The following MTR variants were observed in gnomAD, a reference collection of about 807,000 sequenced individuals.
MTR encodes the protein methionine synthase.
In MTR, 84 loss-of-function variants were observed where a neutral mutation model predicts 154.8. That is an observed-to-expected ratio of 0.54 (90% CI 0.45 to 0.65). The LOEUF (loss-of-function observed/expected upper bound fraction) is 0.65. Among genes scored for constraint, MTR ranks in the 30% least tolerant of loss-of-function variants. The pLI, the probability that MTR is intolerant of heterozygous loss-of-function variation, is 0.00. For synonymous variants in MTR, 554 were observed against 553.9 expected, an observed-to-expected ratio of 1.00 and a Z score of 0.00; for missense variants, 1,275 against 1,570.2, an observed-to-expected ratio of 0.81 and a Z score of 3.18.
intron 15 of MTR, 114 bp downstream of exon 15, chr1:236,838,713 T>C (rs973763883): frequency 4.0e-5 from 43 of 1,085,032 alleles, no homozygotes; most frequent in Non-Finnish European, 5.6e-5. Flanking sequence ...TTTATCTCTT[T>C]CCATATACAT....
At chr1:236,861,465 G>A (rs555246635) in intron 20 of MTR, among the ~76,000 whole-genome samples, 188 bp downstream of exon 20, 2 of 152,164 alleles carry the variant, frequency 1.3e-5, no homozygotes, top group Non-Finnish European at 2.9e-5. Context: ...TGGTGTGGAT[G>A]TTGGAAATCC....
rs891353410 is a variant in MTR at position 236,799,975 on chromosome 1, C to T, written c.35-3453C>T. On this transcript the variant is annotated intron_variant, in intron 1 of 32. Transcript: ENST00000366577. ...ATACGGTGGCTCAACAAACAAGATGCCAGAATTTGCATGTGTGGGGCTGGG... is the reference window on the plus strand; with the variant it reads ...ATACGGTGGCTCAACAAACAAGATGTCAGAATTTGCATGTGTGGGGCTGGG... The T allele has an allele frequency of 3.5e-6, 3 of 849,316 alleles. No homozygotes were observed. In the East Asian group the frequency reaches 3.7e-4, roughly 104 times the overall value. The allele number at this position is 849,316 out of a possible 1,614,324, so 52.6% of individuals were successfully genotyped here. A position where few individuals can be genotyped will look rare whatever the true frequency, so the allele number is the denominator to read the frequency against.
chr1:236,809,765 A>G (rs1219854220), intron 4 of MTR, among the ~76,000 whole-genome samples: 2 of 152,204 alleles, frequency 1.3e-5, no homozygotes, highest in African/African-American at 2.4e-5. Flanking sequence ...AGCCCAGGTT[A>G]TTGAGTGGCT....
chr1:236,819,577 A>G, intron 8 of MTR: 1 of 409,536 alleles, frequency 2.4e-6, no homozygotes, highest in Admixed American at 3.4e-5. Context: ...TGCTACTCAC[A>G]GAGGGGTCCA....
intron 11 of MTR, 52 bp downstream of exon 11, chr1:236,826,948 A>G: frequency 1.3e-6 from 2 of 1,493,688 alleles, no homozygotes; most frequent in South Asian, 1.1e-5. Flanking sequence ...TAATCAGGTA[A>G]TAATCTAAAT....
chr1:236,875,582 G>A (rs1665385015), intron 24 of MTR, among the ~76,000 whole-genome samples: 2 of 152,014 alleles, frequency 1.3e-5, no homozygotes, highest in Non-Finnish European at 2.9e-5. Flanking sequence ...TGAACACAGT[G>A]GTCCCATAGC....
chr1:236,813,497 G>A (rs1387979269), intron 6 of MTR, among the ~76,000 whole-genome samples: 1 of 152,120 alleles, frequency 6.6e-6, no homozygotes, highest in African/African-American at 2.4e-5. Flanking sequence ...CCTTCAGCAA[G>A]CAATGTACAA....
intron 15 of MTR, among the ~76,000 whole-genome samples, chr1:236,839,246 T>G (rs912520405): frequency 6.6e-6 from 1 of 152,154 alleles, no homozygotes; most frequent in African/African-American, 2.4e-5. Context: ...AACCATATAC[T>G]AAAATAAAGT....
At chr1:236,869,946 T>G (rs988389197) in intron 22 of MTR, among the ~76,000 whole-genome samples, 4 of 152,246 alleles carry the variant, frequency 2.6e-5, no homozygotes, top group Non-Finnish European at 5.9e-5. Context: ...TCACCCATTT[T>G]GGGCCTTCCA....
At chr1:236,862,538 A>G (rs1392002508) in intron 21 of MTR, among the ~76,000 whole-genome samples, 195 bp downstream of exon 21, 1 of 152,174 alleles carries the variant, frequency 6.6e-6, no homozygotes, top group African/African-American at 2.4e-5. Context: ...TAGCTTTATA[A>G]CATTTTTAAT....
intron 28 of MTR, among the ~76,000 whole-genome samples, chr1:236,889,834 C>T (rs1666218247): frequency 1.3e-5 from 2 of 152,044 alleles, no homozygotes; most frequent in African/African-American, 4.8e-5. Context: ...GTAGAGGAGA[C>T]AGTGTGAGAA....
At chr1:236,804,194 C>T (rs1206245025) in intron 2 of MTR, among the ~76,000 whole-genome samples, 1 of 152,174 alleles carries the variant, frequency 6.6e-6, no homozygotes, top group Non-Finnish European at 1.5e-5. Flanking sequence ...CATATTTGTG[C>T]TTATAAGGGC....
At chr1:236,838,647 A>G (rs1663047099) in intron 15 of MTR, 48 bp downstream of exon 15, 1 of 1,607,140 alleles carries the variant, frequency 6.2e-7, no homozygotes, top group South Asian at 1.1e-5. Flanking sequence ...CAGGTTAGAT[A>G]GTGGTGGGAG....
intron 15 of MTR, among the ~76,000 whole-genome samples, chr1:236,844,349 A>G (rs1293541118): frequency 1.3e-5 from 2 of 152,054 alleles, no homozygotes; most frequent in African/African-American, 4.8e-5. Flanking sequence ...AGAGAATAGG[A>G]GAAGAATAGA....
At chr1:236,887,553 C>G (rs1415010945) in intron 27 of MTR, among the ~76,000 whole-genome samples, 1 of 152,214 alleles carries the variant, frequency 6.6e-6, no homozygotes. Flanking sequence ...AAGGGCAAGT[C>G]TGTTTGGATT....
At chr1:236,798,378 C>T (rs1219794198) in intron 1 of MTR, among the ~76,000 whole-genome samples, 2 of 152,180 alleles carry the variant, frequency 1.3e-5, no homozygotes, top group Middle Eastern at 3.2e-3. Flanking sequence ...AGCTGGTCTA[C>T]CCCCCTCCAA....
chr1:236,842,446 A>G (rs995825604), intron 15 of MTR, among the ~76,000 whole-genome samples: 1 of 151,968 alleles, frequency 6.6e-6, no homozygotes, highest in Non-Finnish European at 1.5e-5. Context: ...TAATTTTCTT[A>G]TATTTCTTTC....
At chr1:236,891,925 A>G (rs1666345350) in intron 29 of MTR, among the ~76,000 whole-genome samples, 1 of 152,106 alleles carries the variant, frequency 6.6e-6, no homozygotes, top group African/African-American at 2.4e-5. Flanking sequence ...CCCAGCCTGT[A>G]CATATCCCCA....
chr1:236,887,851 C>T lies in MTR; in HGVS notation c.2852-1330C>T, dbSNP rs966624132. ...CAAACATTTCTTAAATTCTGGGAGA[C>T]GAGAGAGTCCATCAGTGGCTCTGCA... On this transcript the variant is annotated intron_variant, in intron 27 of 32. Coordinates refer to ENST00000366577, the MANE Select transcript of MTR (RefSeq NM_000254.3). 5.9e-5 allele frequency among the ~76,000 whole-genome samples: 9 copies of T among 152,220 alleles called. No homozygotes were observed. The South Asian group carries it at 8.3e-4, about 14-fold the overall frequency.
Sources: gnomAD v4.1 joint callset for allele counts (sites outside exome capture counted in the v4.1 genomes callset) on GRCh38, gnomAD v4.1.1 for gene constraint, MANE v1.5 for transcripts, NCBI Gene and HGNC (gene_info 2026-07-23, HGNC 2026-07-21) for gene names.